SRBD1: variants seen among roughly 807,000 people sequenced by gnomAD.
SRBD1 encodes the protein S1 RNA binding domain 1, also known as S1 RNA-binding domain-containing protein 1.
In SRBD1, 88 loss-of-function variants were observed where a neutral mutation model predicts 115.3. The ratio of observed to expected loss-of-function variants is 0.76; its 90% CI spans 0.64 to 0.91. The LOEUF is 0.91. Ranked by LOEUF, SRBD1 falls within the 40% of genes least tolerant of loss-of-function variation. SRBD1 has a pLI of 0.00. For synonymous variants in SRBD1, 509 were observed against 407.7 expected, an observed-to-expected ratio of 1.25 and a Z score of -2.99; for missense variants, 1,385 against 1,177.4, an observed-to-expected ratio of 1.18 and a Z score of -2.58.
At chr2:45,418,192 C>G (rs1052529076) in intron 18 of SRBD1, among the ~76,000 whole-genome samples, 173 bp downstream of exon 18, 5 of 152,152 alleles carry the variant, frequency 3.3e-5, no homozygotes, top group African/African-American at 1.2e-4. Context: ...AATTTGCTGA[C>G]TTGCTCACTG....
chr2:45,462,164 G>A (rs887017508), intron 16 of SRBD1, among the ~76,000 whole-genome samples: 18 of 152,248 alleles, frequency 1.2e-4, no homozygotes, highest in African/African-American at 4.3e-4. Context: ...CACTGCACTC[G>A]CAGCGAATCA....
At chr2:45,564,737 AT>A (rs1308784537) in intron 9 of SRBD1, among the ~76,000 whole-genome samples, 14 of 152,242 alleles carry the variant, frequency 9.2e-5, no homozygotes, top group African/African-American at 2.9e-4. Flanking sequence ...TTTAAACTGC[AT>A]GTGTTGACTT....
intron 15 of SRBD1, among the ~76,000 whole-genome samples, chr2:45,478,417 T>G (rs1439168999): frequency 1.3e-5 from 2 of 152,214 alleles, no homozygotes; most frequent in Non-Finnish European, 2.9e-5. Context: ...TTCACATCCT[T>G]TATTACTACA....
In SRBD1 at chr2:45,476,978, T is replaced by C. The variant is rs778143583; in HGVS notation, c.2049+15A>G. On this transcript the variant is annotated intron_variant, in intron 16 of 20. Coordinates refer to ENST00000263736, the MANE Select transcript of SRBD1 (RefSeq NM_018079.5). ...TTGATGGATTTCATAAATTAAATGA[T>C]CCACATAGCTTTACCTGATACATTC... 1.9e-5 allele frequency: 31 copies of C among 1,611,052 alleles called. No individual in the cohort carries two copies. Among genetic ancestry groups the C allele is most frequent in the African/African-American group, 4.0e-5 (3 of 74,874 alleles).
intron 16 of SRBD1, among the ~76,000 whole-genome samples, chr2:45,429,650 T>C (rs1240343977): frequency 6.6e-6 from 1 of 152,192 alleles, no homozygotes; most frequent in Non-Finnish European, 1.5e-5. Context: ...TATCTCAAAA[T>C]AATAAGAGCT....
intron 15 of SRBD1, among the ~76,000 whole-genome samples, chr2:45,480,181 C>A (rs888055829): frequency 2.0e-5 from 3 of 152,094 alleles, no homozygotes; most frequent in African/African-American, 4.8e-5. Flanking sequence ...TGTTTTCATG[C>A]CTACTAAAAC....
intron 15 of SRBD1, among the ~76,000 whole-genome samples, chr2:45,480,051 A>T (rs1333662940): frequency 6.6e-6 from 1 of 152,160 alleles, no homozygotes; most frequent in East Asian, 1.9e-4. Flanking sequence ...TTTACTGAAT[A>T]TTTTAAGCTC....
chr2:45,451,752 A>C (rs1028235006), intron 16 of SRBD1, among the ~76,000 whole-genome samples: 12 of 151,726 alleles, frequency 7.9e-5, no homozygotes, highest in African/African-American at 2.9e-4. Flanking sequence ...GGCAGCAACG[A>C]AGAGACTTTA....
In SRBD1 at chr2:45,465,000, TACACACACACACACACACACAC is replaced by T. The variant is rs58288876; in HGVS notation, c.2049+11971_2049+11992del. On this transcript the variant is annotated intron_variant, in intron 16 of 20. Transcript: ENST00000263736. ...AAAGAAACTGTCATGGTTGAGATTG[TACACACACACACACACACACAC>T]ACACACACACACACACACACACACA... Among the ~76,000 whole-genome samples the T allele has an allele frequency of 3.1e-4, 37 of 120,306 alleles. No homozygotes were observed. In the East Asian group the frequency reaches 5.0e-3, roughly 16 times the overall value. The allele number at this position is 120,306 out of a possible 152,430, so 78.9% of individuals were successfully genotyped here.
intron 16 of SRBD1, among the ~76,000 whole-genome samples, chr2:45,459,436 T>G (rs76480864): frequency 0.027 from 4,116 of 152,128 alleles, 190 homozygotes; most frequent in African/African-American, 0.094. Flanking sequence ...GTCCTTCCTT[T>G]CAGCAGAAAG....
intron 19 of SRBD1, among the ~76,000 whole-genome samples, chr2:45,404,461 A>T (rs1235750757): frequency 6.6e-6 from 1 of 152,052 alleles, no homozygotes; most frequent in East Asian, 1.9e-4. Flanking sequence ...TTTCCACTTC[A>T]TCCTCCACAG....
At chr2:45,561,619 T>A (rs1672667042) in intron 10 of SRBD1, among the ~76,000 whole-genome samples, 1 of 152,216 alleles carries the variant, frequency 6.6e-6, no homozygotes, top group Admixed American at 6.5e-5. Context: ...GAAGCCACTT[T>A]ACTTACCTCT....
chr2:45,577,110 C>T (rs1030528998), intron 7 of SRBD1, among the ~76,000 whole-genome samples: 1 of 152,178 alleles, frequency 6.6e-6, no homozygotes, highest in Non-Finnish European at 1.5e-5. Flanking sequence ...AAAACTGCCA[C>T]TAGGGAAATG....
chr2:45,440,770 C>A (rs1668643186), intron 16 of SRBD1, among the ~76,000 whole-genome samples: 1 of 152,020 alleles, frequency 6.6e-6, no homozygotes, highest in African/African-American at 2.4e-5. Flanking sequence ...AAAATCTGAT[C>A]TGAAACTATG....
intron 16 of SRBD1, among the ~76,000 whole-genome samples, chr2:45,458,439 C>G (rs1012265575): frequency 6.6e-6 from 1 of 152,118 alleles, no homozygotes; most frequent in Non-Finnish European, 1.5e-5. Flanking sequence ...TAAATTAAGT[C>G]TCTTTAGAGT....
intron 15 of SRBD1, among the ~76,000 whole-genome samples, chr2:45,485,516 G>A (rs944619549): frequency 3.3e-5 from 5 of 152,064 alleles, no homozygotes; most frequent in Admixed American, 2.6e-4. Context: ...ATCCATAATA[G>A]ACAGTTTAAT....
intron 10 of SRBD1, among the ~76,000 whole-genome samples, chr2:45,557,001 G>GT (rs1328190394): frequency 1.1e-4 from 16 of 152,110 alleles, no homozygotes; most frequent in East Asian, 1.9e-4. Flanking sequence ...TCTGAGATAG[G>GT]TTTTTTTAAT....
chr2:45,525,283 T>C (rs937442747), intron 14 of SRBD1, among the ~76,000 whole-genome samples: 9 of 151,788 alleles, frequency 5.9e-5, no homozygotes, highest in African/African-American at 1.5e-4. Context: ...AAGGAAAAAA[T>C]AGAAAAGTTG....
At chr2:45,473,303 A>C (rs1465546557) in intron 16 of SRBD1, among the ~76,000 whole-genome samples, 1 of 152,148 alleles carries the variant, frequency 6.6e-6, no homozygotes. Context: ...AATACTTTTT[A>C]TCATTTCTTT....
Sources: allele counts gnomAD v4.1 joint callset (sites outside exome capture counted in the v4.1 genomes callset), GRCh38; gene constraint gnomAD v4.1.1; transcripts MANE v1.5; gene names NCBI Gene and HGNC (gene_info 2026-07-23, HGNC 2026-07-21).